The following PLCG2 variants were observed in gnomAD, a reference collection of about 807,000 sequenced individuals.
The protein encoded by PLCG2 is phospholipase C gamma 2.
In PLCG2, 69 loss-of-function variants were observed where a neutral mutation model predicts 175.6. That is an observed-to-expected ratio of 0.39 (90% confidence interval 0.32 to 0.48). The LOEUF (loss-of-function observed/expected upper bound fraction) is 0.48, where lower values mean the gene tolerates loss of function less well. Among genes scored for constraint, PLCG2 ranks in the 20% least tolerant of loss-of-function variants. The pLI is 0.91. For missense variants in PLCG2, 1,798 were observed against 1,650.9 expected, an observed-to-expected ratio of 1.09 and a Z score of -1.54; for synonymous variants, 827 against 624.0, an observed-to-expected ratio of 1.33 and a Z score of -4.85.
chr16:81,758,606 A>T (rs1205797859), intron 2 of PLCG2, among the ~76,000 whole-genome samples: 1 of 150,670 alleles, frequency 6.6e-6, no homozygotes, highest in East Asian at 1.9e-4. Context: ...AACATTTACT[A>T]CTCCCACCAG....
chr16:81,946,027 C>T, intron 30 of PLCG2, 148 bp from the exon 31 acceptor site: 3 of 669,896 alleles, frequency 4.5e-6, no homozygotes, highest in Non-Finnish European at 8.3e-6. Flanking sequence ...GATAGGACCT[C>T]TGGCTTCCAC....
At chr16:81,758,967 C>G (rs921418111) in intron 2 of PLCG2, among the ~76,000 whole-genome samples, 1 of 152,204 alleles carries the variant, frequency 6.6e-6, no homozygotes, top group Admixed American at 6.5e-5. Context: ...CGTGAGCCAC[C>G]GCACCCGGCT....
chr16:81,745,531 G>A (rs558035614), intron 1 of PLCG2, among the ~76,000 whole-genome samples: 1 of 152,200 alleles, frequency 6.6e-6, no homozygotes, highest in African/African-American at 2.4e-5. Flanking sequence ...CAGACTGCAG[G>A]CCATATGGTA....
At chr16:81,764,259 T>C (rs947788120) in intron 2 of PLCG2, among the ~76,000 whole-genome samples, 13 of 152,152 alleles carry the variant, frequency 8.5e-5, no homozygotes, top group African/African-American at 2.7e-4. Context: ...ATTGAGCCAC[T>C]GTACTGCACC....
At chr16:81,859,507 T>C (rs1048836274) in intron 5 of PLCG2, among the ~76,000 whole-genome samples, 5 of 131,002 alleles carry the variant, frequency 3.8e-5, no homozygotes, top group East Asian at 4.0e-4. Flanking sequence ...AGGAGAGAGA[T>C]TGATTGACCG....
At chr16:81,768,438 A>C (rs867370163) in intron 2 of PLCG2, among the ~76,000 whole-genome samples, 3 of 152,050 alleles carry the variant, frequency 2.0e-5, no homozygotes, top group South Asian at 4.1e-4. Context: ...GTCATATGGT[A>C]AGTGAATGTT....
At chr16:81,742,154 C>CGGG (rs55847562) in intron 1 of PLCG2, among the ~76,000 whole-genome samples, 18 of 111,552 alleles carry the variant, frequency 1.6e-4, no homozygotes, top group African/African-American at 7.3e-4. Context: ...ATTGTGGGGG[C>CGGG]GGGGGGGGGG....
chr16:81,891,447 C>T (rs769733664), intron 10 of PLCG2, 25 bp from the exon 11 acceptor site: 20 of 1,237,414 alleles, frequency 1.6e-5, no homozygotes, highest in East Asian at 2.3e-5. Context: ...CGTGATGATT[C>T]GGTCTTCGTG....
At chr16:81,769,536 CG>C (rs1332175673) in intron 2 of PLCG2, among the ~76,000 whole-genome samples, 1 of 151,948 alleles carries the variant, frequency 6.6e-6, no homozygotes, top group Non-Finnish European at 1.5e-5. Flanking sequence ...GACATGGGGC[CG>C]GGCGCGGTGG....
intron 2 of PLCG2, among the ~76,000 whole-genome samples, chr16:81,769,819 C>CAAAAAA (rs71146043): frequency 1.5e-4 from 11 of 75,676 alleles, no homozygotes; most frequent in Admixed American, 1.9e-4. Flanking sequence ...GACTCCGTCT[C>CAAAAAA]AAAAAAAAAA....
intron 9 of PLCG2, among the ~76,000 whole-genome samples, chr16:81,887,204 C>T (rs1229985651): frequency 2.0e-5 from 3 of 151,600 alleles, no homozygotes; most frequent in African/African-American, 7.3e-5. Flanking sequence ...ACCGCAAACT[C>T]TGTCTCCTGG....
rs1006585931 is a variant in PLCG2, at chr16:81,930,294, C to A, written c.2582-1203C>A. ...GGCAGATAAGTTTCCCTGTCATAAT[C>A]TTTTCTTCTCTGTAAGATCCTTTCT... On this transcript the variant is annotated intron_variant, in intron 24 of 32. Transcript: ENST00000564138. Among the ~76,000 whole-genome samples the A allele has an allele frequency of 1.2e-4, 18 of 152,314 alleles. No homozygotes were observed. The East Asian group carries it at 3.3e-3, about 28-fold the overall frequency.
At chr16:81,850,174 G>A (rs1906332988) in intron 2 of PLCG2, among the ~76,000 whole-genome samples, 1 of 152,170 alleles carries the variant, frequency 6.6e-6, no homozygotes, top group African/African-American at 2.4e-5. Context: ...GAGAAAACTG[G>A]GGAAATTTAA....
chr16:81,906,160 T>C (rs928110214), intron 15 of PLCG2: 2 of 152,342 alleles, frequency 1.3e-5, no homozygotes, highest in Non-Finnish European at 2.9e-5. Flanking sequence ...ATAACTAGTT[T>C]ATAGATGGTA....
At chr16:81,948,045 TC>T (rs1911218555) in intron 31 of PLCG2, among the ~76,000 whole-genome samples, 2 of 152,236 alleles carry the variant, frequency 1.3e-5, no homozygotes, top group Non-Finnish European at 2.9e-5. Flanking sequence ...TCACTTATGC[TC>T]CTACTAACGG....
intron 1 of PLCG2, among the ~76,000 whole-genome samples, chr16:81,780,748 C>A (rs887973160): frequency 6.6e-6 from 1 of 152,150 alleles, no homozygotes; most frequent in South Asian, 2.1e-4. Context: ...ATTTCTTGGT[C>A]AGGCACGGTG....
intron 19 of PLCG2, 68 bp from the exon 20 acceptor site, chr16:81,919,416 G>A: frequency 8.0e-7 from 1 of 1,248,138 alleles, no homozygotes; most frequent in South Asian, 1.3e-5. Flanking sequence ...CTAATCAGTA[G>A]GGTTTGTGTA....
chr16:81,829,991 A>C (rs1905197491), intron 2 of PLCG2, among the ~76,000 whole-genome samples: 1 of 151,966 alleles, frequency 6.6e-6, no homozygotes, highest in Non-Finnish European at 1.5e-5. Flanking sequence ...ATGAACGGGC[A>C]GTGCTGTCTT....
chr16:81,952,381 G>T (rs192330742), intron 31 of PLCG2, among the ~76,000 whole-genome samples: 189 of 152,172 alleles, frequency 1.2e-3, no homozygotes, highest in Non-Finnish European at 2.2e-3. Flanking sequence ...CCCAGTCATT[G>T]GATTCTCAAT....
Sources: gnomAD v4.1 joint callset for allele counts (sites outside exome capture counted in the v4.1 genomes callset) on GRCh38, gnomAD v4.1.1 for gene constraint, MANE v1.5 for transcripts, NCBI Gene and HGNC (gene_info 2026-07-23, HGNC 2026-07-21) for gene names.